Variants in IQCM observed in about 807,000 individuals in gnomAD.
IQCM encodes IQ domain-containing protein M.
Under a neutral mutation model 57.6 loss-of-function variants are expected in IQCM, and 45 were observed. The observed-to-expected ratio is 0.78, with a 90% CI of 0.62 to 1.00. The LOEUF is 1.00. Ranked by LOEUF, IQCM falls within the 50% of genes least tolerant of loss-of-function variation. IQCM has a pLI of 0.00. For synonymous variants in IQCM, 148 were observed against 158.9 expected (o/e 0.93, Z 0.51); for missense variants, 468 against 511.6 (o/e 0.91, Z 0.82).
At chr4:149,630,821 A>C (rs1366454609) in intron 7 of IQCM, among the ~76,000 whole-genome samples, 1 of 152,210 alleles carries the variant, frequency 6.6e-6, no homozygotes, top group African/African-American at 2.4e-5. Flanking sequence ...AAAATTGTTT[A>C]TTATAGCATT....
chr4:149,377,787 T>C (rs1194676751), intron 13 of IQCM, among the ~76,000 whole-genome samples: 3 of 152,146 alleles, frequency 2.0e-5, no homozygotes, highest in African/African-American at 4.8e-5. Flanking sequence ...ATCAGCCATA[T>C]TGGGAGTATT....
intron 13 of IQCM, among the ~76,000 whole-genome samples, chr4:149,392,799 T>C (rs1009141603): frequency 6.6e-6 from 1 of 152,000 alleles, no homozygotes; most frequent in Admixed American, 6.6e-5. Context: ...GGACTTACTC[T>C]CAAGAACTTC....
Position 149,761,605 on chromosome 4 carries a change from G to T in IQCM, c.-48-18866C>A, listed in dbSNP as rs1769522621. ...TTGTCCTTTTAAATCTTGTAGTATG[G>T]TTATTTGTGTGCACATGTTATATCC... On this transcript the variant is annotated intron_variant, in intron 2 of 13. Coordinates refer to ENST00000636793, the MANE Select transcript of IQCM (RefSeq NM_001363507.2). Among the ~76,000 whole-genome samples the T allele has an allele frequency of 1.3e-5, 2 of 151,930 alleles. 1 individual carries two copies. The highest frequency in any genetic ancestry group is 4.2e-4 in the South Asian group (2 of 4,814).
At chr4:149,484,954 C>T (rs972002325) in intron 12 of IQCM, among the ~76,000 whole-genome samples, 8 of 152,048 alleles carry the variant, frequency 5.3e-5, no homozygotes, top group Non-Finnish European at 1.2e-4. Context: ...AGGATATTTT[C>T]ACCAAATATA....
intron 12 of IQCM, among the ~76,000 whole-genome samples, chr4:149,467,387 G>A (rs1738966077): frequency 6.6e-6 from 1 of 152,122 alleles, no homozygotes; most frequent in Non-Finnish European, 1.5e-5. Context: ...TATGTATTGA[G>A]TATATACTAT....
chr4:149,454,590 C>T (rs1560859968), intron 12 of IQCM, among the ~76,000 whole-genome samples: 1 of 151,814 alleles, frequency 6.6e-6, no homozygotes, highest in South Asian at 2.1e-4. Context: ...GCAGAATCAG[C>T]CTGCACATGT....
chr4:149,668,796 G>A (rs999422398), intron 7 of IQCM, among the ~76,000 whole-genome samples: 7 of 152,094 alleles, frequency 4.6e-5, no homozygotes, highest in African/African-American at 1.7e-4. Context: ...ACATAGCAAT[G>A]TGATATAGAG....
chr4:149,731,187 G>C (rs1766424512), intron 5 of IQCM, among the ~76,000 whole-genome samples: 1 of 152,170 alleles, frequency 6.6e-6, no homozygotes, highest in Non-Finnish European at 1.5e-5. Flanking sequence ...ATAGTATTAA[G>C]AGATAGGACC....
At chr4:149,623,751 G>GTGTGTA (rs543588041) in intron 7 of IQCM, among the ~76,000 whole-genome samples, 24 of 151,218 alleles carry the variant, frequency 1.6e-4, no homozygotes, top group African/African-American at 5.4e-4. Flanking sequence ...GTGTGTGTGT[G>GTGTGTA]TACACATGTG....
At chr4:149,713,701 A>G (rs192159101) in intron 5 of IQCM, among the ~76,000 whole-genome samples, 3 of 152,216 alleles carry the variant, frequency 2.0e-5, no homozygotes, top group Non-Finnish European at 4.4e-5. Context: ...ATCTGTTCCC[A>G]TACACTCCAT....
intron 13 of IQCM, among the ~76,000 whole-genome samples, chr4:149,414,070 C>T (rs1261757541): frequency 6.6e-6 from 1 of 152,178 alleles, no homozygotes; most frequent in South Asian, 2.1e-4. Flanking sequence ...TTAAAATGCA[C>T]ATTTTTGAAA....
chr4:149,660,784 A>C (rs1393633417), intron 7 of IQCM, among the ~76,000 whole-genome samples: 2 of 152,004 alleles, frequency 1.3e-5, no homozygotes, highest in Non-Finnish European at 2.9e-5. Context: ...CCGAACAATG[A>C]GAACACATGG....
intron 9 of IQCM, among the ~76,000 whole-genome samples, chr4:149,571,227 A>T (rs1751126708): frequency 6.6e-6 from 1 of 152,160 alleles, no homozygotes; most frequent in South Asian, 2.1e-4. Flanking sequence ...AATAGCCAAG[A>T]TATGGAATCA....
rs79685910 is a variant in IQCM at position 149,755,286 on chromosome 4, C to A, written c.-48-12547G>T. On this transcript the variant is annotated intron_variant, in intron 2 of 13. Coordinates refer to ENST00000636793, the MANE Select transcript of IQCM (RefSeq NM_001363507.2). The stretch of plus-strand genomic sequence containing the variant: ...GACAACATCCTCCATTCAAAAGCTA[C>A]TGATGCCTTCCAGTAACAATGGAGT... Among the ~76,000 whole-genome samples the A allele has an allele frequency of 2.2e-3, 329 of 152,292 alleles. 3 individuals are homozygous for A. The highest frequency in any genetic ancestry group is 7.6e-3 in the African/African-American group (315 of 41,572).
intron 7 of IQCM, among the ~76,000 whole-genome samples, chr4:149,658,572 T>C (rs1759851469): frequency 6.6e-6 from 1 of 151,892 alleles, no homozygotes; most frequent in Non-Finnish European, 1.5e-5. Flanking sequence ...CTTCAGGTAG[T>C]ATAGCCACTT....
At chr4:149,727,550 G>A (rs1371777266) in intron 5 of IQCM, among the ~76,000 whole-genome samples, 1 of 152,150 alleles carries the variant, frequency 6.6e-6, no homozygotes, top group African/African-American at 2.4e-5. Context: ...ATTTTTTTCT[G>A]AGTTGACCAT....
intron 13 of IQCM, among the ~76,000 whole-genome samples, chr4:149,358,702 G>T (rs67689828): frequency 1.3e-5 from 2 of 151,664 alleles, no homozygotes; most frequent in Admixed American, 6.6e-5. Flanking sequence ...GAAGAAAAAT[G>T]CAAAAGCCAA....
intron 5 of IQCM, among the ~76,000 whole-genome samples, chr4:149,689,279 AATC>A (rs947595362): frequency 4.1e-4 from 62 of 152,212 alleles, no homozygotes; most frequent in African/African-American, 1.5e-3. Flanking sequence ...TGAAGCTGGA[AATC>A]ATCATCTGCA....
intron 8 of IQCM, among the ~76,000 whole-genome samples, chr4:149,608,734 C>T (rs1435126264): frequency 2.0e-5 from 3 of 151,632 alleles, no homozygotes; most frequent in Non-Finnish European, 4.4e-5. Context: ...ACACAACATA[C>T]CAAAACCTAT....
Sources: gnomAD v4.1 joint callset for allele counts (sites outside exome capture counted in the v4.1 genomes callset) on GRCh38, gnomAD v4.1.1 for gene constraint, MANE v1.5 for transcripts, NCBI Gene and HGNC (gene_info 2026-07-23, HGNC 2026-07-21) for gene names.